The following ESRRG variants were observed in gnomAD, a reference collection of about 807,000 sequenced individuals.
ESRRG encodes estrogen-related receptor gamma.
In ESRRG, 13 loss-of-function variants were observed where a neutral mutation model predicts 44.0. The observed-to-expected ratio is 0.30, with a 90% confidence interval of 0.19 to 0.47. The LOEUF (loss-of-function observed/expected upper bound fraction) is 0.47, where lower values mean the gene tolerates loss of function less well. Among genes scored for constraint, ESRRG ranks in the 20% least tolerant of loss-of-function variants. The pLI is 1.00. For synonymous variants in ESRRG, 215 were observed against 214.6 expected, an observed-to-expected ratio of 1.00 and a Z score of -0.02; for missense variants, 395 against 580.6, an observed-to-expected ratio of 0.68 and a Z score of 3.29.
At chr1:216,723,169 T>A (rs2086716372) in intron 1 of ESRRG, 75 bp downstream of exon 1, 1 of 1,252,372 alleles carries the variant, frequency 8.0e-7, no homozygotes. Flanking sequence ...AATCAGTGTG[T>A]AAAGATATAG....
chr1:216,601,652 G>T (rs1247608677), intron 3 of ESRRG, among the ~76,000 whole-genome samples: 1 of 152,166 alleles, frequency 6.6e-6, no homozygotes, highest in African/African-American at 2.4e-5. Context: ...TCCCTTGCAA[G>T]AGCTGTTGGA....
chr1:217,011,617 A>G (rs1198821548), intron 1 of ESRRG, among the ~76,000 whole-genome samples: 1 of 87,492 alleles, frequency 1.1e-5, no homozygotes, highest in East Asian at 2.6e-4. Flanking sequence ...TCGAGAAACT[A>G]GCCTGGGATT....
At chr1:216,669,007 G>A (rs1338425751) in intron 2 of ESRRG, among the ~76,000 whole-genome samples, 2 of 152,036 alleles carry the variant, frequency 1.3e-5, no homozygotes, top group African/African-American at 2.4e-5. Context: ...TGATTTAGAA[G>A]TTACCCAAAC....
At chr1:216,869,912 C>T (rs2096236247) in intron 2 of ESRRG, among the ~76,000 whole-genome samples, 1 of 151,818 alleles carries the variant, frequency 6.6e-6, no homozygotes, top group Non-Finnish European at 1.5e-5. Flanking sequence ...TGAAAAGTTG[C>T]TAAATTCACT....
intron 2 of ESRRG, among the ~76,000 whole-genome samples, chr1:216,783,680 T>G (rs2094016162): frequency 6.6e-6 from 1 of 151,916 alleles, no homozygotes; most frequent in Admixed American, 6.6e-5. Flanking sequence ...CTGAAGGAAT[T>G]CAAGTCCTCC....
At chr1:216,801,149 A>G (rs2094604087) in intron 2 of ESRRG, among the ~76,000 whole-genome samples, 1 of 152,224 alleles carries the variant, frequency 6.6e-6, no homozygotes, top group South Asian at 2.1e-4. Flanking sequence ...CAAAAATTCC[A>G]AATACAATAT....
chr1:216,591,863 A>T (rs949156672), intron 3 of ESRRG, among the ~76,000 whole-genome samples: 1 of 152,186 alleles, frequency 6.6e-6, no homozygotes, highest in Admixed American at 6.5e-5. Flanking sequence ...TAAATGAATA[A>T]GCTGATGGGG....
At position 216,677,228 on chromosome 1, in the gene ESRRG, G is replaced by T. The variant is rs1308442598; in HGVS notation, c.320C>A (p.Thr107Asn). The T allele has an allele frequency of 6.2e-7, 1 of 1,614,168 alleles. No homozygotes were observed. The highest frequency in any genetic ancestry group is 8.5e-7 in the Non-Finnish European group (1 of 1,180,032). ...CTTGGTCTGGGGATCTTCAACAATG[G>T]TGCTGGAGCAGTCATCATACAGTTT... ...VRKLYDDCSS[T>N]IVEDPQTKCE... Residue 107 changes from threonine to asparagine, a missense_variant, in exon 2 of 7, where the codon ACC becomes AAC. Physicochemically the swap from Thr to Asn is moderately conservative, Grantham distance 65. Transcript: ENST00000408911.
At chr1:216,761,482 T>A (rs1011439112) in intron 2 of ESRRG, among the ~76,000 whole-genome samples, 6 of 152,124 alleles carry the variant, frequency 3.9e-5, no homozygotes, top group African/African-American at 9.7e-5. Flanking sequence ...CATAATTTCA[T>A]TGTCACCAGA....
chr1:217,072,501 C>T (rs1274673767), intron 1 of ESRRG, among the ~76,000 whole-genome samples: 3 of 151,944 alleles, frequency 2.0e-5, no homozygotes, highest in African/African-American at 4.8e-5. Flanking sequence ...TTATTTAATC[C>T]TCAAAATAGG....
chr1:216,597,130 C>T (rs1415719665), intron 3 of ESRRG, among the ~76,000 whole-genome samples: 3 of 152,128 alleles, frequency 2.0e-5, no homozygotes, highest in Non-Finnish European at 4.4e-5. Context: ...TTGGCTTTAC[C>T]TGTTGGCCTC....
At chr1:216,777,344 G>A (rs986261023) in intron 2 of ESRRG, among the ~76,000 whole-genome samples, 3 of 152,154 alleles carry the variant, frequency 2.0e-5, no homozygotes, top group South Asian at 2.1e-4. Context: ...CAGTGTCCCC[G>A]CAGTTGAGCT....
At chr1:216,550,892 C>T (rs1451965416) in intron 5 of ESRRG, among the ~76,000 whole-genome samples, 1 of 152,074 alleles carries the variant, frequency 6.6e-6, no homozygotes. Context: ...TTAAGAACAG[C>T]ATAAAAGTCC....
At chr1:217,112,326 T>G (rs1327312838) in intron 1 of ESRRG, among the ~76,000 whole-genome samples, 1 of 152,068 alleles carries the variant, frequency 6.6e-6, no homozygotes, top group East Asian at 1.9e-4. Context: ...TGGGACCAAG[T>G]AGCAAGCACT....
intron 1 of ESRRG, among the ~76,000 whole-genome samples, chr1:216,682,675 T>A (rs1311518609): frequency 6.6e-6 from 1 of 151,172 alleles, no homozygotes; most frequent in Non-Finnish European, 1.5e-5. Flanking sequence ...TAAGTATTTG[T>A]GTTTTAAAAA....
intron 2 of ESRRG, among the ~76,000 whole-genome samples, chr1:216,770,146 T>C (rs115050771): frequency 0.017 from 2,619 of 152,040 alleles, 75 homozygotes; most frequent in African/African-American, 0.058. Context: ...GTCACCCAAT[T>C]TGGCAATAGG....
chr1:216,966,339 G>T (rs143498133), intron 1 of ESRRG, among the ~76,000 whole-genome samples: 1 of 152,144 alleles, frequency 6.6e-6, no homozygotes, highest in Admixed American at 6.5e-5. Flanking sequence ...TGGTTGTTCA[G>T]GCTGTCTATA....
At chr1:216,609,673 A>G (rs1452888986) in intron 3 of ESRRG, among the ~76,000 whole-genome samples, 1 of 152,180 alleles carries the variant, frequency 6.6e-6, no homozygotes, top group Admixed American at 6.5e-5. Context: ...TTAGCTAAAA[A>G]CAACTTTAGA....
intron 1 of ESRRG, among the ~76,000 whole-genome samples, chr1:216,698,518 CAAA>C (rs34454248): frequency 4.1e-5 from 3 of 73,908 alleles, no homozygotes; most frequent in Non-Finnish European, 2.4e-5. Flanking sequence ...GACTCAGTCT[CAAA>C]AAAAAAAAAA....
Sources: allele counts gnomAD v4.1 joint callset (sites outside exome capture counted in the v4.1 genomes callset), GRCh38; gene constraint gnomAD v4.1.1; transcripts MANE v1.5; gene names NCBI Gene and HGNC (gene_info 2026-07-23, HGNC 2026-07-21).